The following CD2AP variants were observed in gnomAD, a reference collection of about 807,000 sequenced individuals.
CD2AP encodes the protein CD2 associated protein.
In CD2AP, 46 loss-of-function variants were observed where a neutral mutation model predicts 85.1. That is an observed-to-expected ratio of 0.54 (90% confidence interval 0.43 to 0.69). The LOEUF (loss-of-function observed/expected upper bound fraction) is 0.69, where lower values mean the gene tolerates loss of function less well. CD2AP is among the 30% of genes least tolerant of loss of function. The pLI, the probability that CD2AP is intolerant of heterozygous loss-of-function variation, is 0.00. For missense variants in CD2AP, 769 were observed against 729.5 expected (o/e 1.05, Z -0.62); for synonymous variants, 255 against 252.9 (o/e 1.01, Z -0.08).
chr6:47,497,494 AG>A (rs1765895787), intron 1 of CD2AP, among the ~76,000 whole-genome samples: 3 of 151,888 alleles, frequency 2.0e-5, no homozygotes, highest in Non-Finnish European at 4.4e-5. Context: ...TCTGGACTCA[AG>A]CCATTCTCTC....
At chr6:47,596,462 C>CT (rs1204199788) in intron 12 of CD2AP, among the ~76,000 whole-genome samples, 3 of 152,078 alleles carry the variant, frequency 2.0e-5, no homozygotes, top group African/African-American at 7.2e-5. Flanking sequence ...CCATTCTACT[C>CT]TATTTCTATG....
At chr6:47,506,817 G>T (rs1191635154) in intron 2 of CD2AP, among the ~76,000 whole-genome samples, 1 of 70,864 alleles carries the variant, frequency 1.4e-5, no homozygotes, top group Non-Finnish European at 3.0e-5. Context: ...GAGGGAGAGG[G>T]AGAGGGAGAG....
At chr6:47,504,045 T>G (rs1766065303) in intron 2 of CD2AP, among the ~76,000 whole-genome samples, 1 of 152,242 alleles carries the variant, frequency 6.6e-6, no homozygotes, top group South Asian at 2.1e-4. Flanking sequence ...TACCAAACAT[T>G]CCTTTTTTAG....
chr6:47,502,239 GA>G (rs1275489451), intron 1 of CD2AP, among the ~76,000 whole-genome samples: 1 of 152,082 alleles, frequency 6.6e-6, no homozygotes, highest in Non-Finnish European at 1.5e-5. Context: ...GCGAGCAAGG[GA>G]AAAAGTCTCC....
chr6:47,609,918 G>A lies in CD2AP; in HGVS notation c.1814+614G>A, dbSNP rs1425637686. Among the ~76,000 whole-genome samples, 3 of 152,232 alleles carry A rather than the reference G, an allele frequency of 2.0e-5. No individual in the cohort carries two copies. The South Asian group carries it at 6.2e-4, about 32-fold the overall frequency. ...AAAATATCGTATTTTGGATCTGGTTGTGTATCTATACATATAGTTAACTTA... is the reference window on the plus strand; with the variant it reads ...AAAATATCGTATTTTGGATCTGGTTATGTATCTATACATATAGTTAACTTA... On this transcript the variant is annotated intron_variant, in intron 16 of 17. Transcript: ENST00000359314.
At position 47,566,691 on chromosome 6, in the gene CD2AP, A is replaced by G. The variant is rs545656868; in HGVS notation, c.542-7373A>G. ...CATGTATTCTCATTGTTCAACTCCC[A>G]CTAATGAGTGAGAACATGCAGTGTT... On this transcript the variant is annotated intron_variant, in intron 5 of 17. Coordinates refer to ENST00000359314, the MANE Select transcript of CD2AP (RefSeq NM_012120.3). Among the ~76,000 whole-genome samples, 11 of 152,164 alleles carry G rather than the reference A, an allele frequency of 7.2e-5. No individual in the cohort carries two copies. The South Asian group carries it at 2.3e-3, about 32-fold the overall frequency.
At chr6:47,501,456 G>GAAT (rs1765994341) in intron 1 of CD2AP, among the ~76,000 whole-genome samples, 1 of 152,156 alleles carries the variant, frequency 6.6e-6, no homozygotes, top group African/African-American at 2.4e-5. Flanking sequence ...CTAGACTAGT[G>GAAT]AATATGTAAC....
At chr6:47,552,140 A>T (rs1288575098) in intron 4 of CD2AP, among the ~76,000 whole-genome samples, 7 of 151,842 alleles carry the variant, frequency 4.6e-5, no homozygotes, top group African/African-American at 1.2e-4. Context: ...TGTTTTTTTT[A>T]AATTTTTTAA....
chr6:47,607,694 A>G (rs1194156581), intron 14 of CD2AP, among the ~76,000 whole-genome samples: 1 of 152,100 alleles, frequency 6.6e-6, no homozygotes, highest in Non-Finnish European at 1.5e-5. Context: ...TACTTTTAAA[A>G]TTACCTAAAT....
chr6:47,582,593 G>A (rs1768509094), intron 11 of CD2AP, among the ~76,000 whole-genome samples: 4 of 152,038 alleles, frequency 2.6e-5, no homozygotes, highest in Non-Finnish European at 4.4e-5. Context: ...GTCACTAGTA[G>A]ATTAGTTTAT....
chr6:47,505,648 A>T (rs1271051482), intron 2 of CD2AP, among the ~76,000 whole-genome samples: 1 of 107,972 alleles, frequency 9.3e-6, no homozygotes, highest in African/African-American at 3.4e-5. Flanking sequence ...TCCCTCCCGG[A>T]CGGGGCGGCT....
At chr6:47,562,093 T>G (rs573254648) in intron 5 of CD2AP, among the ~76,000 whole-genome samples, 3 of 152,358 alleles carry the variant, frequency 2.0e-5, no homozygotes, top group East Asian at 3.9e-4. Flanking sequence ...GGAAATTTAA[T>G]TTTTCTTCCA....
At chr6:47,490,337 A>G (rs1765703488) in intron 1 of CD2AP, among the ~76,000 whole-genome samples, 1 of 152,160 alleles carries the variant, frequency 6.6e-6, no homozygotes, top group African/African-American at 2.4e-5. Flanking sequence ...TTTTACTTAC[A>G]TACCCAAAAG....
Position 47,552,755 on chromosome 6 carries a change from A to C in CD2AP, c.421-1891A>C, listed in dbSNP as rs1028267359. Reference sequence around the variant, plus strand: ...TTGTATTTATTCTAGTTTGGTCTACATCTAGTTTGGATCACTTCCAGTTCT... The same window carrying C: ...TTGTATTTATTCTAGTTTGGTCTACCTCTAGTTTGGATCACTTCCAGTTCT... On this transcript the variant is annotated intron_variant, in intron 4 of 17. Coordinates refer to ENST00000359314, the MANE Select transcript of CD2AP (RefSeq NM_012120.3). Among the ~76,000 whole-genome samples, 5 of 152,200 alleles carry C rather than the reference A, an allele frequency of 3.3e-5. 1 individual carries two copies. Among genetic ancestry groups the C allele is most frequent in the Admixed American group, 6.5e-5 (1 of 15,274 alleles).
chr6:47,582,032 A>G lies in CD2AP; in HGVS notation c.1075A>G (p.Lys359Glu), dbSNP rs1768495705. 1.2e-6 allele frequency: 2 copies of G among 1,608,904 alleles called. No homozygotes were observed. The highest frequency in any genetic ancestry group is 2.7e-5 in the African/African-American group (2 of 74,824). ...APKPELIAAE[K>E]KYFSLKPEEK... ...AAAGCCTGAACTGATAGCTGCAGAG[A>G]AGAAATATTTTTCTTTAAAGCCTGA... Residue 359 changes from lysine (K) to glutamate (E), a missense_variant, in exon 11 of 18, where the codon AAG becomes GAG. Coordinates refer to ENST00000359314, the MANE Select transcript of CD2AP (RefSeq NM_012120.3).
chr6:47,496,168 C>T (rs1395760922), intron 1 of CD2AP, among the ~76,000 whole-genome samples: 1 of 152,042 alleles, frequency 6.6e-6, no homozygotes, highest in African/African-American at 2.4e-5. Context: ...GTAGCAAAGT[C>T]CCACTTCTGG....
rs1766853343 is a variant in CD2AP at position 47,530,743 on chromosome 6, CAAT to C, written c.166-2856_166-2854del. Among the ~76,000 whole-genome samples, 4 of 152,060 alleles carry C rather than the reference CAAT, an allele frequency of 2.6e-5. No individual in the cohort carries two copies. The South Asian group carries it at 8.3e-4, about 32-fold the overall frequency. ...CTGCTGCCTGGTACTAGCAGGTGCTCAATAAGTGTTTATGAAAATGCTAAAGAG... is the reference window on the plus strand; with the variant it reads ...CTGCTGCCTGGTACTAGCAGGTGCTCAAGTGTTTATGAAAATGCTAAAGAG... On this transcript the variant is annotated intron_variant, in intron 2 of 17. Transcript: ENST00000359314.
chr6:47,551,554 C>T (rs923338146), intron 4 of CD2AP, among the ~76,000 whole-genome samples: 1 of 152,120 alleles, frequency 6.6e-6, no homozygotes, highest in African/African-American at 2.4e-5. Flanking sequence ...GTATTTTTAT[C>T]CCCATTGTAC....
At chr6:47,560,940 C>T (rs1231870951) in intron 5 of CD2AP, among the ~76,000 whole-genome samples, 1 of 152,060 alleles carries the variant, frequency 6.6e-6, no homozygotes, top group Non-Finnish European at 1.5e-5. Context: ...ATGTGTATTA[C>T]TTAATATTTT....
Sources: gnomAD v4.1 joint callset for allele counts (sites outside exome capture counted in the v4.1 genomes callset) on GRCh38, gnomAD v4.1.1 for gene constraint, MANE v1.5 for transcripts, NCBI Gene and HGNC (gene_info 2026-07-23, HGNC 2026-07-21) for gene names.